NMNAT2: variants seen among roughly 807,000 people sequenced by gnomAD.
The protein encoded by NMNAT2 is nicotinamide/nicotinic acid mononucleotide adenylyltransferase 2.
A neutral mutation model predicts 41.6 loss-of-function variants in NMNAT2; 11 were observed. The observed-to-expected ratio is 0.26, with a 90% CI of 0.17 to 0.44. The LOEUF (loss-of-function observed/expected upper bound fraction) is 0.44, where lower values mean the gene tolerates loss of function less well. Among genes scored for constraint, NMNAT2 ranks in the 20% least tolerant of loss-of-function variants. NMNAT2 has a pLI of 1.00. For synonymous variants in NMNAT2, 148 were observed against 151.2 expected, an observed-to-expected ratio of 0.98 and a Z score of 0.16; for missense variants, 288 against 407.7, an observed-to-expected ratio of 0.71 and a Z score of 2.53.
At chr1:183,365,313 G>A (rs1270575633) in intron 1 of NMNAT2, among the ~76,000 whole-genome samples, 2 of 152,012 alleles carry the variant, frequency 1.3e-5, no homozygotes, top group Admixed American at 6.6e-5. Context: ...GCAACAGAGC[G>A]GCAGCCCAGG....
In NMNAT2 at chr1:183,286,998, A is replaced by T. The variant is rs546312387; in HGVS notation, c.322-210T>A. Among the ~76,000 whole-genome samples the T allele has an allele frequency of 5.9e-5, 9 of 152,108 alleles. No individual in the cohort carries two copies. In the South Asian group the frequency reaches 1.9e-3, roughly 32 times the overall value. On this transcript the variant is annotated intron_variant, in intron 4 of 10. Coordinates refer to ENST00000287713, the MANE Select transcript of NMNAT2 (RefSeq NM_015039.4). ...GAGAAGCATGAGATGTGGTGTTATA[A>T]TGGGTCCTGGGTCCAAATTTGGGCT...
intron 1 of NMNAT2, among the ~76,000 whole-genome samples, chr1:183,389,810 A>AGGGAGGGAGGG (rs1557897669): frequency 7.0e-5 from 6 of 85,502 alleles, no homozygotes; most frequent in Non-Finnish European, 1.3e-4. Context: ...GAAAGAAAGA[A>AGGGAGGGAGGG]AGAAAGAAAG....
chr1:183,257,731 C>T (rs1660555245), intron 10 of NMNAT2, among the ~76,000 whole-genome samples: 1 of 149,494 alleles, frequency 6.7e-6, no homozygotes, highest in South Asian at 2.1e-4. Context: ...ACTTTCATTT[C>T]TGATTTTATA....
chr1:183,304,690 TC>T, intron 1 of NMNAT2: 1 of 1,614,054 alleles, frequency 6.2e-7, no homozygotes, highest in Non-Finnish European at 8.5e-7. Context: ...AACAAACACT[TC>T]CCAGAGCCCC....
chr1:183,382,748 A>G (rs909648750), intron 1 of NMNAT2, among the ~76,000 whole-genome samples: 2 of 152,236 alleles, frequency 1.3e-5, no homozygotes, highest in Non-Finnish European at 2.9e-5. Context: ...TCTCATATCC[A>G]GCCCACCCAT....
intron 1 of NMNAT2, among the ~76,000 whole-genome samples, chr1:183,369,384 C>G (rs1328751488): frequency 6.6e-6 from 1 of 151,546 alleles, no homozygotes; most frequent in Non-Finnish European, 1.5e-5. Flanking sequence ...TCAAGCGATT[C>G]TCCTGCCTCA....
intron 8 of NMNAT2, among the ~76,000 whole-genome samples, chr1:183,271,846 G>A (rs776445444): frequency 4.6e-5 from 7 of 151,948 alleles, no homozygotes; most frequent in Non-Finnish European, 8.8e-5. Flanking sequence ...TGCACCTCCC[G>A]GGTTCAAGCA....
intron 1 of NMNAT2, among the ~76,000 whole-genome samples, chr1:183,331,644 G>A (rs1265868549): frequency 1.3e-5 from 2 of 152,234 alleles, no homozygotes; most frequent in East Asian, 1.9e-4. Context: ...AGCCTCAGGC[G>A]TGAGCCTTCC....
intron 1 of NMNAT2, among the ~76,000 whole-genome samples, chr1:183,417,134 C>A (rs1388636625): frequency 1.3e-5 from 2 of 152,216 alleles, no homozygotes; most frequent in Non-Finnish European, 2.9e-5. Flanking sequence ...AACGCTCATG[C>A]CCCACGCCTT....
chr1:183,344,089 T>G (rs1023916191), intron 1 of NMNAT2, among the ~76,000 whole-genome samples: 1 of 152,126 alleles, frequency 6.6e-6, no homozygotes, highest in African/African-American at 2.4e-5. Context: ...AAGCCTTGGG[T>G]TAAATGCTGA....
intron 1 of NMNAT2, among the ~76,000 whole-genome samples, chr1:183,376,972 C>G (rs1557893755): frequency 6.6e-6 from 1 of 151,994 alleles, no homozygotes; most frequent in Non-Finnish European, 1.5e-5. Flanking sequence ...CAGGGAAGAT[C>G]AAGGAGAAAG....
At chr1:183,381,040 G>GATAT (rs1663792910) in intron 1 of NMNAT2, among the ~76,000 whole-genome samples, 1 of 152,176 alleles carries the variant, frequency 6.6e-6, no homozygotes, top group Non-Finnish European at 1.5e-5. Context: ...GTCCAGGGAT[G>GATAT]ATATAATGAG....
At chr1:183,344,626 A>G (rs1662887126) in intron 1 of NMNAT2, among the ~76,000 whole-genome samples, 2 of 152,172 alleles carry the variant, frequency 1.3e-5, no homozygotes, top group Non-Finnish European at 2.9e-5. Context: ...CACTACTGAC[A>G]TTTTGGAACA....
chr1:183,294,923 G>A (rs1214521232), intron 1 of NMNAT2, among the ~76,000 whole-genome samples: 1 of 152,230 alleles, frequency 6.6e-6, no homozygotes, highest in Non-Finnish European at 1.5e-5. Flanking sequence ...TGGCTGTGTA[G>A]TTTACAAGCA....
At chr1:183,402,119 A>G (rs1362883483) in intron 1 of NMNAT2, among the ~76,000 whole-genome samples, 2 of 152,174 alleles carry the variant, frequency 1.3e-5, no homozygotes, top group East Asian at 1.9e-4. Flanking sequence ...ACTGGGTCAC[A>G]TAGCATGTTT....
chr1:183,417,752 C>T (rs1250759570), intron 1 of NMNAT2, among the ~76,000 whole-genome samples: 1 of 152,184 alleles, frequency 6.6e-6, no homozygotes, highest in African/African-American at 2.4e-5. Context: ...TTAACTCCTT[C>T]GAGCTTTCGG....
intron 1 of NMNAT2, among the ~76,000 whole-genome samples, chr1:183,380,053 G>T (rs1571628445): frequency 6.6e-6 from 1 of 152,124 alleles, no homozygotes; most frequent in Non-Finnish European, 1.5e-5. Flanking sequence ...ATTCCCTATT[G>T]GGTTTACCAT....
At chr1:183,409,667 G>A (rs1287949446) in intron 1 of NMNAT2, among the ~76,000 whole-genome samples, 2 of 152,162 alleles carry the variant, frequency 1.3e-5, no homozygotes, top group African/African-American at 4.8e-5. Flanking sequence ...AGACCTCCAG[G>A]ATTAGTGCTA....
chr1:183,275,551 T>C (rs143614613), intron 8 of NMNAT2, among the ~76,000 whole-genome samples: 34 of 150,970 alleles, frequency 2.3e-4, no homozygotes, highest in African/African-American at 7.1e-4. Context: ...GCAAACTAGA[T>C]GTGGGGTCCC....
Sources: gnomAD v4.1 joint callset for allele counts (sites outside exome capture counted in the v4.1 genomes callset) on GRCh38, gnomAD v4.1.1 for gene constraint, MANE v1.5 for transcripts, NCBI Gene and HGNC (gene_info 2026-07-23, HGNC 2026-07-21) for gene names.